The following PCDHGA5 variants were observed in gnomAD, a reference collection of about 807,000 sequenced individuals.
PCDHGA5 encodes the protein protocadherin gamma-A5.
In PCDHGA5, 36 loss-of-function variants were observed where a neutral mutation model predicts 56.7. That is an observed-to-expected ratio of 0.64 (90% confidence interval 0.49 to 0.84). PCDHGA5 has a LOEUF of 0.84. Ranked by LOEUF, PCDHGA5 falls within the 40% of genes least tolerant of loss-of-function variation. The probability of loss-of-function intolerance (pLI) is 0.00; values close to 1 mark genes in which losing one functional copy is unlikely to be tolerated. For missense variants in PCDHGA5, 1,305 were observed against 1,201.5 expected (o/e 1.09, Z -1.27); for synonymous variants, 563 against 520.2 (o/e 1.08, Z -1.12).
intron 3 of PCDHGA5, chr5:141,507,424 G>C (rs577364087): frequency 6.6e-6 from 1 of 152,202 alleles, no homozygotes; most frequent in African/African-American, 2.4e-5. Context: ...GGTTAAGTGG[G>C]GCCAGGCCTA....
Position 141,432,089 on chromosome 5 carries a change from G to A in PCDHGA5, c.2422-62718G>A, listed in dbSNP as rs1325165974. On this transcript the variant is annotated intron_variant, in intron 1 of 3. Transcript: ENST00000518069. The surrounding 1 kb of genome is among the most constrained non-coding windows in gnomAD (Gnocchi z 6.0). Reference sequence around the variant, plus strand: ...AACTCATATCTCGCTGAACGTGGCAGACACCAACGACAACCCGCCGGTCTT... The same window carrying A: ...AACTCATATCTCGCTGAACGTGGCAAACACCAACGACAACCCGCCGGTCTT... The A allele has an allele frequency of 6.2e-7, 1 of 1,614,046 alleles. No homozygotes were observed. Among genetic ancestry groups the A allele is most frequent in the Non-Finnish European group, 8.5e-7 (1 of 1,180,052 alleles).
In PCDHGA5 at chr5:141,431,317, C is replaced by G; in HGVS notation, c.2422-63490C>G. 2 of 1,614,082 alleles carry G rather than the reference C, an allele frequency of 1.2e-6. No homozygotes were observed. The highest frequency in any genetic ancestry group is 1.7e-6 in the Non-Finnish European group (2 of 1,180,038). On this transcript the variant is annotated intron_variant, in intron 1 of 3. Transcript: ENST00000518069. The surrounding 1 kb of genome is among the most constrained non-coding windows in gnomAD (Gnocchi z 4.8). ...TCTCCCTCATCGTGCAAAATGGAGC[C>G]GACGGTAGTAAGTACCCCGAATTGG...
chr5:141,471,658 G>T (rs1354815239), intron 1 of PCDHGA5: 1 of 152,106 alleles, frequency 6.6e-6, no homozygotes, highest in Admixed American at 6.5e-5. Flanking sequence ...ATGTGGGGAT[G>T]CAGAAAAAAA....
intron 1 of PCDHGA5, chr5:141,398,010 G>A: frequency 7.1e-7 from 1 of 1,408,980 alleles, no homozygotes; most frequent in South Asian, 1.5e-5. Context: ...AAAAAGAATC[G>A]TTTCCTAAAC....
Position 141,431,690 on chromosome 5 carries a change from G to A in PCDHGA5, c.2422-63117G>A. 1.2e-6 allele frequency: 2 copies of A among 1,614,234 alleles called. No individual in the cohort carries two copies. Among genetic ancestry groups the A allele is most frequent in the Non-Finnish European group, 8.5e-7 (1 of 1,180,040 alleles). On this transcript the variant is annotated intron_variant, in intron 1 of 3. Coordinates refer to ENST00000518069, the MANE Select transcript of PCDHGA5 (RefSeq NM_018918.3). The surrounding 1 kb of genome is among the most constrained non-coding windows in gnomAD (Gnocchi z 4.8). ...AACAATAGGGGAGTTGGACCACGAG[G>A]AGTCAGGATTCTACCAGATGGAAGT... is the stretch of plus-strand genomic sequence containing the variant.
intron 3 of PCDHGA5, chr5:141,506,958 A>C (rs529190059): frequency 1.6e-3 from 239 of 152,280 alleles, no homozygotes; most frequent in African/African-American, 5.5e-3. Flanking sequence ...GAATCCTCTC[A>C]ATAGCTCTGC....
chr5:141,511,320 A>G lies in PCDHGA5; in HGVS notation c.*147A>G. ...CATGCTCCCCTTGGGAAACAGAAAC[A>G]AGTGCCCAGTCAGCACCTACCCCTT... On this transcript the variant is annotated 3_prime_UTR_variant, in exon 4 of 4. Transcript: ENST00000518069. 6.8e-7 allele frequency: 1 copy of G among 1,475,678 alleles called. No homozygotes were observed. The highest frequency in any genetic ancestry group is 1.4e-5 in the South Asian group (1 of 72,746). 91.4% of individuals were successfully genotyped at this position (1,475,678 alleles called of 1,614,324 possible).
intron 1 of PCDHGA5, chr5:141,404,553 C>T: frequency 6.2e-7 from 1 of 1,613,766 alleles, no homozygotes; most frequent in Non-Finnish European, 8.5e-7. Context: ...CAGGTGACGG[C>T]AAGTGACAGT....
At chr5:141,394,459 G>T (rs761612403) in intron 1 of PCDHGA5, 1 of 1,614,238 alleles carries the variant, frequency 6.2e-7, no homozygotes, top group Non-Finnish European at 8.5e-7. Context: ...ATGTCACTGA[G>T]CCTGTTCGTG....
chr5:141,509,602 C>T (rs921950654), intron 3 of PCDHGA5, among the ~76,000 whole-genome samples: 8 of 152,194 alleles, frequency 5.3e-5, no homozygotes, highest in Non-Finnish European at 8.8e-5. Context: ...TTCCGAGAGG[C>T]TGCATTCTAA....
intron 1 of PCDHGA5, among the ~76,000 whole-genome samples, chr5:141,472,980 C>CAAA (rs60579131): frequency 5.8e-5 from 5 of 86,104 alleles, no homozygotes; most frequent in Non-Finnish European, 1.0e-4. Context: ...GAGTGAAACT[C>CAAA]AAAAAAAAAA....
At chr5:141,408,557 G>A in intron 1 of PCDHGA5, 6 of 1,614,046 alleles carry the variant, frequency 3.7e-6, no homozygotes, top group Non-Finnish European at 5.1e-6. Flanking sequence ...TATTTTTCAT[G>A]TCATTGTGGT....
chr5:141,477,184 C>T lies in PCDHGA5; in HGVS notation c.2422-17623C>T. On this transcript the variant is annotated intron_variant, in intron 1 of 3. Coordinates refer to ENST00000518069, the MANE Select transcript of PCDHGA5 (RefSeq NM_018918.3). The surrounding 1 kb of genome is among the most constrained non-coding windows in gnomAD (Gnocchi z 4.9). ...ACGCCCCGGAGATCACAGTCACCTC[C>T]GTGTACAGCCCAGTACCCGAGGATG... The T allele has an allele frequency of 3.7e-6, 6 of 1,614,178 alleles. No individual in the cohort carries two copies. Among genetic ancestry groups the T allele is most frequent in the Non-Finnish European group, 5.1e-6 (6 of 1,180,032 alleles).
At position 141,461,300 on chromosome 5, in the gene PCDHGA5, A is replaced by G. The variant is rs889981233; in HGVS notation, c.2422-33507A>G. Among the ~76,000 whole-genome samples, 10 of 152,106 alleles carry G rather than the reference A, an allele frequency of 6.6e-5. No individual in the cohort carries two copies. In the East Asian group the frequency reaches 1.4e-3, roughly 21 times the overall value. On this transcript the variant is annotated intron_variant, in intron 1 of 3. Transcript: ENST00000518069. The stretch of plus-strand genomic sequence containing the variant: ...TTTCCCCACATCCACACCAACATCT[A>G]TTGTTTTTTGACTTTTTAATAATGG...
chr5:141,459,503 A>T (rs1346447458), intron 1 of PCDHGA5, among the ~76,000 whole-genome samples: 1 of 152,242 alleles, frequency 6.6e-6, no homozygotes, highest in Non-Finnish European at 1.5e-5. Flanking sequence ...AGTGATGTGA[A>T]CAATCATGTA....
At chr5:141,509,136 C>T (rs1217992935) in intron 3 of PCDHGA5, among the ~76,000 whole-genome samples, 1 of 152,142 alleles carries the variant, frequency 6.6e-6, no homozygotes, top group Non-Finnish European at 1.5e-5. Context: ...AAAACCGAGG[C>T]GCATCCCGGC....
intron 1 of PCDHGA5, chr5:141,390,387 T>C: frequency 1.4e-6 from 2 of 1,425,596 alleles, no homozygotes; most frequent in Non-Finnish European, 1.9e-6. Flanking sequence ...TTAGATGTCA[T>C]GGATCATTTT....
chr5:141,364,326 A>G lies in PCDHGA5; in HGVS notation c.-5A>G. ...ACTAAGAGAAAATTGGGCAGAGAGA[A>G]GGCAATGGCGAGTCCACCTAGGGGC... is the stretch of plus-strand genomic sequence containing the variant. On this transcript the variant is annotated 5_prime_UTR_variant, in exon 1 of 4. Transcript: ENST00000518069. 1 of 1,528,198 alleles carries G rather than the reference A, an allele frequency of 6.5e-7. No homozygotes were observed. The highest frequency in any genetic ancestry group is 8.8e-7 in the Non-Finnish European group (1 of 1,141,338). The allele number at this position is 1,528,198 out of a possible 1,614,324, so 94.7% of individuals were successfully genotyped here. A position where few individuals can be genotyped will look rare whatever the true frequency, so the allele number is the denominator to read the frequency against.
rs112808093 is a variant in PCDHGA5, at chr5:141,489,579, C to A, written c.2422-5228C>A. ...CAGTGCAGGTGGTGACTGAACACCC[C>A]CTGGAGCTAATCCGTGTAGAGGTAG... On this transcript the variant is annotated intron_variant, in intron 1 of 3. Coordinates refer to ENST00000518069, the MANE Select transcript of PCDHGA5 (RefSeq NM_018918.3). This position sits in a 1 kb window ranked among gnomAD's most constrained non-coding sequence, Gnocchi z 4.5. 1.2e-6 allele frequency: 2 copies of A among 1,613,922 alleles called. No individual in the cohort carries two copies. Among genetic ancestry groups the A allele is most frequent in the African/African-American group, 2.7e-5 (2 of 74,916 alleles).
Sources: gnomAD v4.1 joint callset for allele counts (sites outside exome capture counted in the v4.1 genomes callset) on GRCh38, gnomAD v4.1.1 for gene constraint, Gnocchi (gnomAD v3.1) non-coding constraint, MANE v1.5 for transcripts, NCBI Gene and HGNC (gene_info 2026-07-23, HGNC 2026-07-21) for gene names.